Variants in KCNK10 observed in about 807,000 individuals in gnomAD.
KCNK10 encodes the protein potassium two pore domain channel subfamily K member 10, also known as potassium channel subfamily K member 10.
A neutral mutation model predicts 47.7 loss-of-function variants in KCNK10; 25 were observed. That is an observed-to-expected ratio of 0.52 (90% CI 0.38 to 0.73). The LOEUF is 0.73. Among genes scored for constraint, KCNK10 ranks in the 30% least tolerant of loss-of-function variants. The probability of loss-of-function intolerance (pLI) is 0.00; values close to 1 mark genes in which losing one functional copy is unlikely to be tolerated. For synonymous variants in KCNK10, 303 were observed against 285.6 expected (o/e 1.06, Z -0.61); for missense variants, 563 against 714.5 (o/e 0.79, Z 2.42).
At chr14:88,192,631 C>T (rs112492124) in intron 4 of KCNK10, among the ~76,000 whole-genome samples, 8 of 152,252 alleles carry the variant, frequency 5.3e-5, no homozygotes, top group South Asian at 2.1e-4. Context: ...GAAGCCTGTT[C>T]GTGGACACCA....
chr14:88,245,596 A>T (rs749679046), intron 2 of KCNK10, among the ~76,000 whole-genome samples: 1 of 152,160 alleles, frequency 6.6e-6, no homozygotes, highest in African/African-American at 2.4e-5. Context: ...CCCACAGGGG[A>T]CCACTAACTG....
At chr14:88,265,019 ACT>A (rs1255559958) in intron 1 of KCNK10, among the ~76,000 whole-genome samples, 1 of 152,136 alleles carries the variant, frequency 6.6e-6, no homozygotes. Flanking sequence ...CATCCAGGCC[ACT>A]GTCACATCTT....
intron 1 of KCNK10, among the ~76,000 whole-genome samples, chr14:88,267,760 T>C (rs7142212): frequency 0.49 from 75,198 of 152,082 alleles, 19,786 homozygotes; most frequent in East Asian, 0.84. Flanking sequence ...ACAGTTGCCT[T>C]ATGACCTGGA....
chr14:88,243,300 G>T (rs1195770384), intron 2 of KCNK10, among the ~76,000 whole-genome samples: 3 of 152,138 alleles, frequency 2.0e-5, no homozygotes, highest in African/African-American at 4.8e-5. Context: ...TCCATAACTT[G>T]CAAGAAAGTA....
chr14:88,246,614 A>T (rs1015786310), intron 2 of KCNK10, among the ~76,000 whole-genome samples: 2 of 152,206 alleles, frequency 1.3e-5, no homozygotes, highest in African/African-American at 4.8e-5. Flanking sequence ...CAACCATGGG[A>T]GGGTCTCAGA....
chr14:88,309,870 T>C (rs1211236818), intron 1 of KCNK10, among the ~76,000 whole-genome samples: 1 of 151,972 alleles, frequency 6.6e-6, no homozygotes, highest in Non-Finnish European at 1.5e-5. Context: ...CTGACAACAT[T>C]TGCACAAATG....
intron 1 of KCNK10, among the ~76,000 whole-genome samples, chr14:88,319,278 T>A (rs1426348020): frequency 6.6e-6 from 1 of 152,198 alleles, no homozygotes; most frequent in Non-Finnish European, 1.5e-5. Flanking sequence ...TTTTTGCTAT[T>A]AAATTGTAGG....
chr14:88,316,023 G>T (rs1266656720), intron 1 of KCNK10, among the ~76,000 whole-genome samples: 1 of 152,114 alleles, frequency 6.6e-6, no homozygotes, highest in African/African-American at 2.4e-5. Context: ...CTGCTTCAAA[G>T]TTACTTCCAT....
chr14:88,272,440 C>T (rs774485568), intron 1 of KCNK10, among the ~76,000 whole-genome samples: 3 of 151,638 alleles, frequency 2.0e-5, no homozygotes, highest in Non-Finnish European at 2.9e-5. Flanking sequence ...TAGGTGTCTG[C>T]GAGAGGGCAG....
chr14:88,208,032 G>A (rs74704797), intron 4 of KCNK10, among the ~76,000 whole-genome samples: 11,665 of 152,246 alleles, frequency 0.077, 725 homozygotes, highest in East Asian at 0.25. Context: ...TGACATTCCC[G>A]TGGTGAAGCA....
chr14:88,273,303 T>C (rs1022505677), intron 1 of KCNK10, among the ~76,000 whole-genome samples: 1 of 152,194 alleles, frequency 6.6e-6, no homozygotes, highest in Non-Finnish European at 1.5e-5. Context: ...TCCCAGTCTC[T>C]GTCTCCAGCA....
chr14:88,279,394 T>C (rs2139770517), intron 1 of KCNK10, among the ~76,000 whole-genome samples: 1 of 151,676 alleles, frequency 6.6e-6, no homozygotes, highest in East Asian at 1.9e-4. Flanking sequence ...TGTGTGTGTG[T>C]GTGTGTGTGT....
chr14:88,205,658 C>T (rs1407210045), intron 4 of KCNK10, among the ~76,000 whole-genome samples: 1 of 150,372 alleles, frequency 6.7e-6, no homozygotes, highest in Non-Finnish European at 1.5e-5. Context: ...GATTCTCCTG[C>T]CTCAGCCTCC....
Position 88,183,562 on chromosome 14 carries a change from A to T in KCNK10, c.*1973T>A, listed in dbSNP as rs1409192971. ...ACTCAACATCCACACCTGCATAAACATCGCCTCCCAAGTGACTATTTATTA... is the reference window on the plus strand; with the variant it reads ...ACTCAACATCCACACCTGCATAAACTTCGCCTCCCAAGTGACTATTTATTA... On this transcript the variant is annotated 3_prime_UTR_variant, in exon 7 of 7. Transcript: ENST00000319231. 2 of 152,386 alleles carry T rather than the reference A, an allele frequency of 1.3e-5. No homozygotes were observed. Among genetic ancestry groups the T allele is most frequent in the African/African-American group, 4.8e-5 (2 of 41,462 alleles). 9.4% of individuals were successfully genotyped at this position (152,386 alleles called of 1,614,324 possible). A position where few individuals can be genotyped will look rare whatever the true frequency, so the allele number is the denominator to read the frequency against.
chr14:88,305,493 G>C (rs140585367), intron 1 of KCNK10, among the ~76,000 whole-genome samples: 1 of 152,286 alleles, frequency 6.6e-6, no homozygotes, highest in Non-Finnish European at 1.5e-5. Context: ...ACCAGGGTTT[G>C]TTCTGAAGAT....
intron 4 of KCNK10, among the ~76,000 whole-genome samples, chr14:88,214,084 C>A (rs1885543553): frequency 6.6e-6 from 1 of 152,002 alleles, no homozygotes; most frequent in African/African-American, 2.4e-5. Flanking sequence ...GGATTACAGG[C>A]ATGCACCACC....
chr14:88,304,458 G>A (rs763239907), intron 1 of KCNK10, among the ~76,000 whole-genome samples: 8 of 152,116 alleles, frequency 5.3e-5, no homozygotes, highest in Non-Finnish European at 1.2e-4. Context: ...TTGTAACCCC[G>A]AAATCAAATC....
At chr14:88,200,078 TCTTTCTTC>T (rs966797399) in intron 4 of KCNK10, among the ~76,000 whole-genome samples, 6 of 150,110 alleles carry the variant, frequency 4.0e-5, no homozygotes, top group East Asian at 1.9e-4. Flanking sequence ...CTTCTTCCTT[TCTTTCTTC>T]CTTTCTTCCT....
At chr14:88,289,494 T>C (rs1379320831) in intron 1 of KCNK10, among the ~76,000 whole-genome samples, 1 of 152,224 alleles carries the variant, frequency 6.6e-6, no homozygotes, top group East Asian at 1.9e-4. Flanking sequence ...CTTTGGGTGA[T>C]GGCAGGAATG....
Sources: gnomAD v4.1 joint callset for allele counts (sites outside exome capture counted in the v4.1 genomes callset) on GRCh38, gnomAD v4.1.1 for gene constraint, MANE v1.5 for transcripts, NCBI Gene and HGNC (gene_info 2026-07-23, HGNC 2026-07-21) for gene names.